The following PTPRT variants were observed in gnomAD, a reference collection of about 807,000 sequenced individuals.
The protein encoded by PTPRT is protein tyrosine phosphatase receptor type T, also known as receptor-type tyrosine-protein phosphatase T.
PTPRT carries 56 observed loss-of-function variants against 176.8 expected under a neutral mutation model. That is an observed-to-expected ratio of 0.32 (90% CI 0.26 to 0.40). The LOEUF is 0.40. Ranked by LOEUF, PTPRT falls within the 10% of genes least tolerant of loss-of-function variation. The pLI is 1.00. For synonymous variants in PTPRT, 783 were observed against 739.0 expected (o/e 1.06, Z -0.96); for missense variants, 1,540 against 1,908.2 (o/e 0.81, Z 3.60).
intron 2 of PTPRT, among the ~76,000 whole-genome samples, chr20:42,856,017 C>T (rs1288853296): frequency 6.6e-6 from 1 of 152,070 alleles, no homozygotes; most frequent in Non-Finnish European, 1.5e-5. Context: ...GACAAAAGTC[C>T]ATGAAACAGA....
intron 6 of PTPRT, among the ~76,000 whole-genome samples, chr20:42,730,387 G>A (rs2076442709): frequency 6.6e-6 from 1 of 152,232 alleles, no homozygotes; most frequent in Non-Finnish European, 1.5e-5. Flanking sequence ...AAAGCAATAA[G>A]AGAGAGGCAC....
At chr20:42,206,419 G>A (rs1436229635) in intron 15 of PTPRT, among the ~76,000 whole-genome samples, 1 of 152,236 alleles carries the variant, frequency 6.6e-6, no homozygotes, top group Non-Finnish European at 1.5e-5. Flanking sequence ...AGGTCAGTGG[G>A]TGCGCGCACC....
intron 15 of PTPRT, among the ~76,000 whole-genome samples, chr20:42,211,215 C>A (rs1266525755): frequency 6.6e-6 from 1 of 152,056 alleles, no homozygotes; most frequent in African/African-American, 2.4e-5. Context: ...CTAGGCATTA[C>A]CATTCAGGAC....
intron 18 of PTPRT, among the ~76,000 whole-genome samples, chr20:42,137,145 T>C (rs1988416521): frequency 6.6e-6 from 1 of 152,196 alleles, no homozygotes; most frequent in Admixed American, 6.5e-5. Context: ...TTTGGGGATA[T>C]GGCAGGGTAC....
chr20:43,164,944 C>T (rs2146448821), intron 1 of PTPRT, among the ~76,000 whole-genome samples: 1 of 152,252 alleles, frequency 6.6e-6, no homozygotes, highest in East Asian at 1.9e-4. Context: ...GGCTCCTAGG[C>T]TAAACTCAGT....
At chr20:42,985,855 G>C (rs1568717911) in intron 1 of PTPRT, among the ~76,000 whole-genome samples, 1 of 152,116 alleles carries the variant, frequency 6.6e-6, no homozygotes, top group South Asian at 2.1e-4. Flanking sequence ...CAGCAGCCAA[G>C]GTGAAGGTAC....
In PTPRT at chr20:42,569,081, AATATATATATATATATAT is replaced by A. The variant is rs71335569; in HGVS notation, c.1154-96537_1154-96520del. Among the ~76,000 whole-genome samples the A allele has an allele frequency of 3.1e-3, 96 of 30,810 alleles. 1 individual carries two copies. The highest frequency in any genetic ancestry group is 0.011 in the African/African-American group (86 of 7,762). The allele number at this position is 30,810 out of a possible 152,430, so 20.2% of individuals were successfully genotyped here. A position where few individuals can be genotyped will look rare whatever the true frequency, so the allele number is the denominator to read the frequency against. ...AAAAAAAAAAAAAAAAAAAAAAAAA[AATATATATATATATATAT>A]ATATATATATATAATTTCAACTTTC... On this transcript the variant is annotated intron_variant, in intron 7 of 30. Transcript: ENST00000373187.
chr20:42,474,031 T>G (rs1369069930), intron 7 of PTPRT, among the ~76,000 whole-genome samples: 1 of 152,194 alleles, frequency 6.6e-6, no homozygotes, highest in Non-Finnish European at 1.5e-5. Flanking sequence ...GATGAGATGC[T>G]TGTAAAGCAG....
chr20:42,661,336 G>A (rs781131560), intron 7 of PTPRT, among the ~76,000 whole-genome samples: 1 of 152,146 alleles, frequency 6.6e-6, no homozygotes, highest in Non-Finnish European at 1.5e-5. Context: ...AAGGGCATAT[G>A]GAGCATGATT....
chr20:42,774,138 C>T (rs552211114), intron 4 of PTPRT, among the ~76,000 whole-genome samples: 11 of 152,218 alleles, frequency 7.2e-5, no homozygotes, highest in Non-Finnish European at 8.8e-5. Context: ...AGATAATGAA[C>T]GCATGCACCT....
intron 1 of PTPRT, among the ~76,000 whole-genome samples, chr20:42,954,406 C>T (rs112724619): frequency 0.073 from 11,073 of 152,026 alleles, 1,155 homozygotes; most frequent in African/African-American, 0.23. Flanking sequence ...ATCTCCCTCC[C>T]CTGGTCCAGG....
At chr20:43,086,401 T>C (rs2011603848) in intron 1 of PTPRT, among the ~76,000 whole-genome samples, 1 of 152,252 alleles carries the variant, frequency 6.6e-6, no homozygotes, top group Admixed American at 6.5e-5. Flanking sequence ...TACAAAAGAA[T>C]AACTTAACTG....
At chr20:43,081,516 G>C (rs1600698628) in intron 1 of PTPRT, among the ~76,000 whole-genome samples, 1 of 152,014 alleles carries the variant, frequency 6.6e-6, no homozygotes, top group East Asian at 1.9e-4. Flanking sequence ...TTTATTCCTT[G>C]ATCAGTCTCT....
intron 1 of PTPRT, among the ~76,000 whole-genome samples, chr20:42,915,331 G>T (rs965073795): frequency 6.6e-6 from 1 of 152,238 alleles, no homozygotes; most frequent in Non-Finnish European, 1.5e-5. Flanking sequence ...GCCTGGCCAG[G>T]CTATAGGTAA....
intron 2 of PTPRT, among the ~76,000 whole-genome samples, chr20:42,807,025 GTC>G (rs2077620422): frequency 6.6e-6 from 1 of 152,132 alleles, no homozygotes; most frequent in African/African-American, 2.4e-5. Context: ...CTGCCACAAT[GTC>G]TCTGATAATT....
intron 7 of PTPRT, among the ~76,000 whole-genome samples, chr20:42,631,131 T>G (rs2074395835): frequency 6.6e-6 from 1 of 151,988 alleles, no homozygotes; most frequent in African/African-American, 2.4e-5. Context: ...GCTAATAACC[T>G]GAGGAAACAG....
At chr20:43,020,379 C>T (rs891284616) in intron 1 of PTPRT, among the ~76,000 whole-genome samples, 5 of 151,710 alleles carry the variant, frequency 3.3e-5, no homozygotes, top group East Asian at 3.9e-4. Flanking sequence ...TGTATTTATA[C>T]GTAGGGAAAC....
chr20:42,163,460 A>G (rs1989696624), intron 16 of PTPRT, among the ~76,000 whole-genome samples: 1 of 152,192 alleles, frequency 6.6e-6, no homozygotes, highest in Non-Finnish European at 1.5e-5. Context: ...GTACATGTTC[A>G]CTGGCATTGC....
intron 2 of PTPRT, among the ~76,000 whole-genome samples, chr20:42,791,888 A>G (rs181245148): frequency 6.6e-5 from 10 of 152,336 alleles, no homozygotes; most frequent in African/African-American, 2.4e-4. Context: ...CCCTGGATCC[A>G]TGTCCCTTGC....
Sources: gnomAD v4.1 joint callset for allele counts (sites outside exome capture counted in the v4.1 genomes callset) on GRCh38, gnomAD v4.1.1 for gene constraint, MANE v1.5 for transcripts, NCBI Gene and HGNC (gene_info 2026-07-23, HGNC 2026-07-21) for gene names.